ZNF804A: variants seen among roughly 807,000 people sequenced by gnomAD.
The protein encoded by ZNF804A is zinc finger protein 804A.
ZNF804A carries 2 observed loss-of-function variants against 16.5 expected under a neutral mutation model. The ratio of observed to expected loss-of-function variants is 0.12; its 90% CI spans 0.05 to 0.38. The LOEUF (loss-of-function observed/expected upper bound fraction) is 0.38. Ranked by LOEUF, ZNF804A falls within the 10% of genes least tolerant of loss-of-function variation. ZNF804A has a pLI of 0.99. For missense variants in ZNF804A, 1,473 were observed against 1,390.7 expected (o/e 1.06, Z -0.94); for synonymous variants, 534 against 489.6 (o/e 1.09, Z -1.20).
intron 1 of ZNF804A, among the ~76,000 whole-genome samples, chr2:184,825,568 A>G (rs1030108016): frequency 2.6e-5 from 4 of 152,102 alleles, no homozygotes; most frequent in South Asian, 2.1e-4. Flanking sequence ...AAGGAACAAC[A>G]TATTATTATA....
intron 1 of ZNF804A, among the ~76,000 whole-genome samples, chr2:184,637,914 A>G (rs1311275414): frequency 2.0e-5 from 3 of 152,140 alleles, no homozygotes; most frequent in Non-Finnish European, 4.4e-5. Context: ...TTTTACCATT[A>G]TATTCTGAAC....
intron 1 of ZNF804A, among the ~76,000 whole-genome samples, chr2:184,831,599 G>A (rs1441220529): frequency 6.6e-6 from 1 of 151,936 alleles, no homozygotes; most frequent in Non-Finnish European, 1.5e-5. Flanking sequence ...AATGAATCAG[G>A]AACTGCCTGT....
chr2:184,675,093 T>G (rs182767968), intron 1 of ZNF804A, among the ~76,000 whole-genome samples: 1 of 151,948 alleles, frequency 6.6e-6, no homozygotes, highest in Admixed American at 6.5e-5. Flanking sequence ...TATGTAAGTA[T>G]GTACTGTGCA....
intron 1 of ZNF804A, among the ~76,000 whole-genome samples, chr2:184,754,582 T>C (rs949229982): frequency 6.6e-6 from 1 of 151,934 alleles, no homozygotes; most frequent in African/African-American, 2.4e-5. Flanking sequence ...GTTTTGTTTA[T>C]TCTACTTATG....
At chr2:184,812,816 C>T (rs938787916) in intron 1 of ZNF804A, among the ~76,000 whole-genome samples, 1 of 152,072 alleles carries the variant, frequency 6.6e-6, no homozygotes, top group Non-Finnish European at 1.5e-5. Context: ...CAATTTCTCT[C>T]ACTCTCCATA....
intron 1 of ZNF804A, among the ~76,000 whole-genome samples, chr2:184,682,786 T>C (rs1222746927): frequency 6.6e-6 from 1 of 152,096 alleles, no homozygotes; most frequent in African/African-American, 2.4e-5. Flanking sequence ...GTGGGTGGAT[T>C]GCTTGAGCCC....
chr2:184,627,433 C>T (rs1293165686), intron 1 of ZNF804A, among the ~76,000 whole-genome samples: 1 of 152,052 alleles, frequency 6.6e-6, no homozygotes, highest in Admixed American at 6.6e-5. Flanking sequence ...CATTTTGTTA[C>T]TTAAACATTT....
chr2:184,667,496 A>T (rs1197039197), intron 1 of ZNF804A, among the ~76,000 whole-genome samples: 1 of 151,852 alleles, frequency 6.6e-6, no homozygotes, highest in Non-Finnish European at 1.5e-5. Flanking sequence ...TGGGCCGAGG[A>T]TCTACTATGT....
intron 2 of ZNF804A, among the ~76,000 whole-genome samples, chr2:184,867,721 T>C (rs1040598719): frequency 6.6e-6 from 1 of 152,150 alleles, no homozygotes; most frequent in African/African-American, 2.4e-5. Flanking sequence ...ATTGCTTGAT[T>C]TGAACATTAA....
At chr2:184,770,068 C>T (rs1427527443) in intron 1 of ZNF804A, among the ~76,000 whole-genome samples, 1 of 151,978 alleles carries the variant, frequency 6.6e-6, no homozygotes, top group Non-Finnish European at 1.5e-5. Context: ...AGTTTATCAT[C>T]AACCTACATT....
At chr2:184,729,613 G>C (rs549760680) in intron 1 of ZNF804A, among the ~76,000 whole-genome samples, 1 of 152,042 alleles carries the variant, frequency 6.6e-6, no homozygotes, top group Non-Finnish European at 1.5e-5. Flanking sequence ...TGAATGCAAA[G>C]TGAACAAAAA....
Position 184,877,434 on chromosome 2 carries a change from C to T in ZNF804A, c.255+10922C>T, listed in dbSNP as rs144970243. ...ATCATGTGGAGATTTGAGAAGGGTA[C>T]ATTCCTAGAATCAAAATTTTTATCT... On this transcript the variant is annotated intron_variant, in intron 2 of 3. Coordinates refer to ENST00000302277, the MANE Select transcript of ZNF804A (RefSeq NM_194250.2). Among the ~76,000 whole-genome samples, 1,143 of 152,146 alleles carry T rather than the reference C, an allele frequency of 7.5e-3. 17 individuals carry two copies. Among genetic ancestry groups the T allele is most frequent in the African/African-American group, 0.026 (1,086 of 41,524 alleles).
intron 2 of ZNF804A, among the ~76,000 whole-genome samples, chr2:184,889,055 A>G (rs989334264): frequency 7.2e-5 from 11 of 152,000 alleles, no homozygotes; most frequent in Admixed American, 1.3e-4. Flanking sequence ...TGCCCTCCAC[A>G]TTATTCACTC....
intron 1 of ZNF804A, among the ~76,000 whole-genome samples, chr2:184,742,743 T>C (rs374886867): frequency 3.0e-4 from 45 of 151,644 alleles, no homozygotes; most frequent in African/African-American, 4.3e-4. Flanking sequence ...TATATATATA[T>C]ACATACATAG....
chr2:184,738,657 G>A (rs1328195794), intron 1 of ZNF804A, among the ~76,000 whole-genome samples: 1 of 152,036 alleles, frequency 6.6e-6, no homozygotes, highest in African/African-American at 2.4e-5. Flanking sequence ...CCCACCTTTG[G>A]CAAGTATCCC....
intron 2 of ZNF804A, among the ~76,000 whole-genome samples, chr2:184,882,856 T>TA (rs898715700): frequency 6.6e-6 from 1 of 151,898 alleles, no homozygotes; most frequent in African/African-American, 2.4e-5. Flanking sequence ...ATTAGCAACC[T>TA]AATGTCACAA....
chr2:184,612,250 A>G (rs917376053), intron 1 of ZNF804A, among the ~76,000 whole-genome samples: 3 of 152,124 alleles, frequency 2.0e-5, no homozygotes, highest in African/African-American at 4.8e-5. Context: ...ATATAAATAG[A>G]AAAAAATAGT....
chr2:184,839,537 A>T (rs952807129), intron 1 of ZNF804A, among the ~76,000 whole-genome samples: 3 of 152,084 alleles, frequency 2.0e-5, no homozygotes, highest in Admixed American at 2.0e-4. Context: ...GGTGTTTTGT[A>T]GTACAAAGAA....
At chr2:184,746,121 A>G (rs78142009) in intron 1 of ZNF804A, among the ~76,000 whole-genome samples, 6,218 of 151,606 alleles carry the variant, frequency 0.041, 416 homozygotes, top group African/African-American at 0.14. Flanking sequence ...ATACACACAT[A>G]TTTGATAAAA....
Sources: gnomAD v4.1 joint callset for allele counts (sites outside exome capture counted in the v4.1 genomes callset) on GRCh38, gnomAD v4.1.1 for gene constraint, MANE v1.5 for transcripts, NCBI Gene and HGNC (gene_info 2026-07-23, HGNC 2026-07-21) for gene names.